LRMDA: variants seen among roughly 807,000 people sequenced by gnomAD.
The protein encoded by LRMDA is leucine-rich melanocyte differentiation-associated protein.
In LRMDA, 18 loss-of-function variants were observed where a neutral mutation model predicts 29.8. The ratio of observed to expected loss-of-function variants is 0.60; its 90% CI spans 0.42 to 0.90. LRMDA has a LOEUF of 0.90. Ranked by LOEUF, LRMDA falls within the 40% of genes least tolerant of loss-of-function variation. The pLI, the probability that LRMDA is intolerant of heterozygous loss-of-function variation, is 0.00. For synonymous variants in LRMDA, 125 were observed against 109.4 expected (o/e 1.14, Z -0.89); for missense variants, 273 against 273.9 (o/e 1.00, Z 0.02).
intron 6 of LRMDA, among the ~76,000 whole-genome samples, chr10:76,512,244 T>G (rs1163909496): frequency 6.6e-6 from 1 of 152,194 alleles, no homozygotes; most frequent in Non-Finnish European, 1.5e-5. Context: ...TAAGTCCAAT[T>G]AAACCTCTTT....
chr10:75,610,189 C>A lies in LRMDA; in HGVS notation c.131+171695C>A, dbSNP rs1841009804. Among the ~76,000 whole-genome samples the A allele has an allele frequency of 2.0e-5, 3 of 152,286 alleles. 1 individual carries two copies. The South Asian group carries it at 6.2e-4, about 32-fold the overall frequency. On this transcript the variant is annotated intron_variant, in intron 2 of 6. Coordinates refer to ENST00000611255, the MANE Select transcript of LRMDA (RefSeq NM_001305581.2). ...ATGATTCAGTGGCATTTAGTACATT[C>A]ACAAGGTGGTGCAACTGTCACCACT...
At chr10:75,998,898 G>A (rs529781583) in intron 2 of LRMDA, among the ~76,000 whole-genome samples, 20 of 152,328 alleles carry the variant, frequency 1.3e-4, no homozygotes, top group Admixed American at 1.2e-3. Flanking sequence ...CCTCCCCAAA[G>A]CTATAGAACA....
chr10:75,631,429 G>C (rs1285581766), intron 2 of LRMDA, among the ~76,000 whole-genome samples: 1 of 150,662 alleles, frequency 6.6e-6, no homozygotes. Context: ...CACCCAACAT[G>C]TTGCCAGGAA....
At chr10:75,794,976 C>T (rs1024221151) in intron 2 of LRMDA, among the ~76,000 whole-genome samples, 1 of 150,702 alleles carries the variant, frequency 6.6e-6, no homozygotes, top group Non-Finnish European at 1.5e-5. Flanking sequence ...TTTCTGTATC[C>T]TAAGAAACCT....
chr10:76,383,899 A>G (rs1213007402), intron 6 of LRMDA, among the ~76,000 whole-genome samples: 1 of 152,148 alleles, frequency 6.6e-6, no homozygotes, highest in Non-Finnish European at 1.5e-5. Flanking sequence ...GCTACCCACC[A>G]GTCACTTTCC....
intron 2 of LRMDA, among the ~76,000 whole-genome samples, chr10:75,759,200 A>G (rs572163969): frequency 6.6e-6 from 1 of 152,340 alleles, no homozygotes; most frequent in South Asian, 2.1e-4. Flanking sequence ...ATGTAGTTAA[A>G]CAGGAAATGG....
chr10:76,019,958 G>A (rs975400691), intron 2 of LRMDA, among the ~76,000 whole-genome samples: 8 of 152,198 alleles, frequency 5.3e-5, no homozygotes, highest in Admixed American at 4.6e-4. Flanking sequence ...TGGTCCACGA[G>A]CCACTCTTTT....
rs1305511624 is a variant in LRMDA at position 75,493,347 on chromosome 10, G to GT, written c.131+54853_131+54854insT. Among the ~76,000 whole-genome samples, 87 of 117,358 alleles carry GT rather than the reference G, an allele frequency of 7.4e-4. 1 individual carries two copies. The highest frequency in any genetic ancestry group is 2.3e-3 in the East Asian group (10 of 4,268). 77.0% of individuals were successfully genotyped at this position (117,358 alleles called of 152,430 possible). A position where few individuals can be genotyped will look rare whatever the true frequency, so the allele number is the denominator to read the frequency against. ...GAGAGAGCCATAGAGGGTTGAGATTGGGTGTGTGTGTGTGTGTGTGTGTGT... is the reference window on the plus strand; with the variant it reads ...GAGAGAGCCATAGAGGGTTGAGATTGTGGTGTGTGTGTGTGTGTGTGTGTGT... On this transcript the variant is annotated intron_variant, in intron 2 of 6. Coordinates refer to ENST00000611255, the MANE Select transcript of LRMDA (RefSeq NM_001305581.2).
At chr10:75,578,718 T>G (rs1222966401) in intron 2 of LRMDA, among the ~76,000 whole-genome samples, 3 of 151,678 alleles carry the variant, frequency 2.0e-5, no homozygotes, top group Admixed American at 6.6e-5. Context: ...TGCAATCAAA[T>G]TAGAACTCAG....
chr10:76,139,823 G>C (rs1197007542), intron 5 of LRMDA, among the ~76,000 whole-genome samples: 4 of 152,066 alleles, frequency 2.6e-5, no homozygotes, highest in Admixed American at 1.3e-4. Context: ...CAGTTATTGA[G>C]ATTAAAAAGC....
intron 2 of LRMDA, among the ~76,000 whole-genome samples, chr10:75,587,403 G>T (rs1183804020): frequency 1.3e-5 from 2 of 152,046 alleles, no homozygotes; most frequent in African/African-American, 4.8e-5. Context: ...CTTCTTAAAA[G>T]AAATAATATG....
At chr10:75,675,851 T>C (rs940271362) in intron 2 of LRMDA, among the ~76,000 whole-genome samples, 11 of 152,348 alleles carry the variant, frequency 7.2e-5, no homozygotes, top group Middle Eastern at 3.4e-3. Flanking sequence ...TTTTGAAATC[T>C]GATCTATTCC....
chr10:76,148,984 A>G (rs1184902914), intron 5 of LRMDA, among the ~76,000 whole-genome samples: 1 of 152,188 alleles, frequency 6.6e-6, no homozygotes, highest in Non-Finnish European at 1.5e-5. Context: ...CTGTTTTCCA[A>G]ACAGTTGTTC....
intron 2 of LRMDA, among the ~76,000 whole-genome samples, chr10:75,818,822 C>G (rs887669166): frequency 6.6e-6 from 1 of 152,174 alleles, no homozygotes; most frequent in Admixed American, 6.5e-5. Context: ...GTCATGGCAA[C>G]TGTTATTGCA....
chr10:76,487,985 C>T (rs1334377480), intron 6 of LRMDA, among the ~76,000 whole-genome samples: 1 of 151,778 alleles, frequency 6.6e-6, no homozygotes, highest in Non-Finnish European at 1.5e-5. Context: ...TATACAGAAC[C>T]TAGAAATAGT....
At chr10:75,698,549 C>T (rs1308410761) in intron 2 of LRMDA, among the ~76,000 whole-genome samples, 7 of 152,216 alleles carry the variant, frequency 4.6e-5, no homozygotes, top group Admixed American at 1.3e-4. Context: ...ACAGGTGGCA[C>T]ATGGGCAGGG....
intron 2 of LRMDA, among the ~76,000 whole-genome samples, chr10:75,689,031 C>CA (rs148645892): frequency 0.052 from 7,626 of 145,960 alleles, 614 homozygotes; most frequent in African/African-American, 0.18. Flanking sequence ...TATGGGGAAA[C>CA]AAAAAAAAAA....
At chr10:75,536,857 G>C (rs932155577) in intron 2 of LRMDA, among the ~76,000 whole-genome samples, 3 of 152,018 alleles carry the variant, frequency 2.0e-5, no homozygotes, top group Non-Finnish European at 2.9e-5. Flanking sequence ...ACTGTGCCTG[G>C]CCTACTGAAG....
chr10:75,752,431 T>G (rs1250136315), intron 2 of LRMDA, among the ~76,000 whole-genome samples: 1 of 152,204 alleles, frequency 6.6e-6, no homozygotes, highest in East Asian at 1.9e-4. Context: ...CAGGATGCTC[T>G]TGATCTCCTG....
Sources: gnomAD v4.1 joint callset for allele counts (sites outside exome capture counted in the v4.1 genomes callset) on GRCh38, gnomAD v4.1.1 for gene constraint, MANE v1.5 for transcripts, NCBI Gene and HGNC (gene_info 2026-07-23, HGNC 2026-07-21) for gene names.